Variants in NOS1AP observed in about 807,000 individuals in gnomAD.
NOS1AP encodes carboxyl-terminal PDZ ligand of neuronal nitric oxide synthase protein.
Under a neutral mutation model 56.2 loss-of-function variants are expected in NOS1AP, and 21 were observed. That is an observed-to-expected ratio of 0.37 (90% CI 0.26 to 0.54). The LOEUF is 0.54. Among genes scored for constraint, NOS1AP ranks in the 20% least tolerant of loss-of-function variants. The probability of loss-of-function intolerance (pLI) is 0.84; values close to 1 mark genes in which losing one functional copy is unlikely to be tolerated. For synonymous variants in NOS1AP, 270 were observed against 274.6 expected (o/e 0.98, Z 0.17); for missense variants, 522 against 657.8 (o/e 0.79, Z 2.26).
rs78101995 is a variant in NOS1AP at position 162,207,626 on chromosome 1, A to C, written c.177+53150A>C. On this transcript the variant is annotated intron_variant, in intron 2 of 9. Coordinates refer to ENST00000361897, the MANE Select transcript of NOS1AP (RefSeq NM_014697.3). ...TCTGGCAGGGAGCAAATGTTCATTA[A>C]ATAGTAGTTCCTGGTTGGTGTAGTG... is the stretch of plus-strand genomic sequence containing the variant. Among the ~76,000 whole-genome samples, 342 of 152,342 alleles carry C rather than the reference A, an allele frequency of 2.2e-3. 2 individuals are homozygous for C. Among genetic ancestry groups the C allele is most frequent in the African/African-American group, 7.9e-3 (330 of 41,580 alleles).
intron 1 of NOS1AP, among the ~76,000 whole-genome samples, chr1:162,150,932 T>C (rs780504671): frequency 6.6e-6 from 1 of 152,238 alleles, no homozygotes; most frequent in African/African-American, 2.4e-5. Flanking sequence ...TTGTTGATTG[T>C]TTCCTTTGCT....
chr1:162,213,066 G>A (rs1257789551), intron 2 of NOS1AP, among the ~76,000 whole-genome samples: 1 of 152,174 alleles, frequency 6.6e-6, no homozygotes, highest in African/African-American at 2.4e-5. Flanking sequence ...CAGGTGGAGG[G>A]TGTCTCTAGG....
At chr1:162,210,859 G>A (rs146680082) in intron 2 of NOS1AP, among the ~76,000 whole-genome samples, 40 of 152,320 alleles carry the variant, frequency 2.6e-4, no homozygotes, top group African/African-American at 8.2e-4. Flanking sequence ...TGCACACAAC[G>A]AGTATGGCCC....
intron 2 of NOS1AP, among the ~76,000 whole-genome samples, chr1:162,159,164 T>C (rs532397746): frequency 6.6e-6 from 1 of 152,302 alleles, no homozygotes; most frequent in African/African-American, 2.4e-5. Context: ...TTAGTAAATA[T>C]GAACACCAGT....
chr1:162,323,113 G>C (rs529644649), intron 4 of NOS1AP, among the ~76,000 whole-genome samples: 1 of 152,212 alleles, frequency 6.6e-6, no homozygotes, highest in Non-Finnish European at 1.5e-5. Context: ...TATTAGATTA[G>C]GGTGGACCCT....
chr1:162,304,978 A>G (rs186002519), intron 4 of NOS1AP, among the ~76,000 whole-genome samples: 1 of 152,156 alleles, frequency 6.6e-6, no homozygotes, highest in Non-Finnish European at 1.5e-5. Flanking sequence ...AAGAATACAT[A>G]CAATTGTTTG....
chr1:162,293,631 G>A (rs919526127), intron 3 of NOS1AP, among the ~76,000 whole-genome samples: 36 of 152,178 alleles, frequency 2.4e-4, no homozygotes, highest in African/African-American at 1.9e-4. Context: ...TCAAAGATGC[G>A]CTTACCCCAT....
intron 1 of NOS1AP, among the ~76,000 whole-genome samples, chr1:162,114,745 A>T (rs61809615): frequency 2.0e-5 from 3 of 152,222 alleles, no homozygotes; most frequent in Non-Finnish European, 4.4e-5. Flanking sequence ...GGACCTGCCT[A>T]CCTGCAGCAT....
At chr1:162,207,204 C>G (rs1652190177) in intron 2 of NOS1AP, among the ~76,000 whole-genome samples, 1 of 152,232 alleles carries the variant, frequency 6.6e-6, no homozygotes, top group South Asian at 2.1e-4. Flanking sequence ...CATCCTTGCT[C>G]CAGTCTCTTT....
intron 1 of NOS1AP, among the ~76,000 whole-genome samples, chr1:162,108,558 T>A (rs1647596733): frequency 6.6e-6 from 1 of 152,178 alleles, no homozygotes; most frequent in Non-Finnish European, 1.5e-5. Flanking sequence ...TAAAAGTAGC[T>A]ACAGGAGAGA....
At chr1:162,225,067 T>A (rs554278666) in intron 2 of NOS1AP, among the ~76,000 whole-genome samples, 1 of 152,320 alleles carries the variant, frequency 6.6e-6, no homozygotes, top group East Asian at 1.9e-4. Flanking sequence ...GCAGGTGATA[T>A]TTGCCACTTT....
intron 8 of NOS1AP, among the ~76,000 whole-genome samples, chr1:162,361,644 A>C (rs1347878810): frequency 6.6e-6 from 1 of 152,206 alleles, no homozygotes; most frequent in African/African-American, 2.4e-5. Flanking sequence ...CAGGACTTGA[A>C]AATACCTGAA....
At chr1:162,243,327 G>A (rs985820884) in intron 2 of NOS1AP, among the ~76,000 whole-genome samples, 3 of 152,094 alleles carry the variant, frequency 2.0e-5, no homozygotes, top group African/African-American at 7.2e-5. Flanking sequence ...AGGGGCAATG[G>A]GCATGGGCTC....
At chr1:162,277,961 A>G (rs780719533) in intron 2 of NOS1AP, among the ~76,000 whole-genome samples, 2 of 152,176 alleles carry the variant, frequency 1.3e-5, no homozygotes, top group African/African-American at 2.4e-5. Context: ...TGCTGTTGCC[A>G]AGATTATGTT....
At chr1:162,356,918 C>T in intron 7 of NOS1AP, 42 bp from the exon 8 acceptor site, 1 of 1,613,454 alleles carries the variant, frequency 6.2e-7, no homozygotes, top group East Asian at 2.2e-5. Context: ...CTCAAGATGG[C>T]TCCTGCCACA....
rs149404245 is a variant in NOS1AP at position 162,142,027 on chromosome 1, G to A, written c.106-12378G>A. Among the ~76,000 whole-genome samples the A allele has an allele frequency of 3.3e-3, 498 of 149,826 alleles. 5 individuals are homozygous for A. Among genetic ancestry groups the A allele is most frequent in the African/African-American group, 0.011 (424 of 39,762 alleles). Reference sequence around the variant, plus strand: ...TGGTGGGCCAAGCTTTGTACTGGGCGCTCAGGATACAGTGGTGACAACAAC... The same window carrying A: ...TGGTGGGCCAAGCTTTGTACTGGGCACTCAGGATACAGTGGTGACAACAAC... On this transcript the variant is annotated intron_variant, in intron 1 of 9. Coordinates refer to ENST00000361897, the MANE Select transcript of NOS1AP (RefSeq NM_014697.3).
intron 1 of NOS1AP, among the ~76,000 whole-genome samples, chr1:162,123,880 T>TA (rs577177292): frequency 6.1e-4 from 93 of 152,262 alleles, no homozygotes; most frequent in Admixed American, 1.1e-3. Context: ...GTGGATTTCC[T>TA]AAAAACAAGA....
intron 6 of NOS1AP, among the ~76,000 whole-genome samples, chr1:162,345,291 A>T (rs61808538): frequency 6.8e-6 from 1 of 146,406 alleles, no homozygotes; most frequent in African/African-American, 2.5e-5. Flanking sequence ...TATCTCCCAA[A>T]GCTATCCCTC....
intron 1 of NOS1AP, among the ~76,000 whole-genome samples, chr1:162,112,385 A>G (rs1201901180): frequency 6.6e-6 from 1 of 152,212 alleles, no homozygotes; most frequent in Non-Finnish European, 1.5e-5. Context: ...GGTATACAAG[A>G]GTTGGCTCTA....
Sources: gnomAD v4.1 joint callset for allele counts (sites outside exome capture counted in the v4.1 genomes callset) on GRCh38, gnomAD v4.1.1 for gene constraint, MANE v1.5 for transcripts, NCBI Gene and HGNC (gene_info 2026-07-23, HGNC 2026-07-21) for gene names.